The following CTNNBL1 variants were observed in gnomAD, a reference collection of about 807,000 sequenced individuals.
The protein encoded by CTNNBL1 is catenin beta like 1, also known as beta-catenin-like protein 1.
In CTNNBL1, 31 loss-of-function variants were observed where a neutral mutation model predicts 72.7. That is an observed-to-expected ratio of 0.43 (90% CI 0.32 to 0.58). The LOEUF (loss-of-function observed/expected upper bound fraction) is 0.58. Among genes scored for constraint, CTNNBL1 ranks in the 20% least tolerant of loss-of-function variants. The probability of loss-of-function intolerance (pLI) is 0.08; values close to 1 mark genes in which losing one functional copy is unlikely to be tolerated. For synonymous variants in CTNNBL1, 240 were observed against 267.3 expected, an observed-to-expected ratio of 0.90 and a Z score of 1.00; for missense variants, 534 against 725.1, an observed-to-expected ratio of 0.74 and a Z score of 3.03.
At chr20:37,717,436 T>C (rs1348015281) in intron 1 of CTNNBL1, among the ~76,000 whole-genome samples, 1 of 152,196 alleles carries the variant, frequency 6.6e-6, no homozygotes, top group Non-Finnish European at 1.5e-5. Context: ...TCATCCTAAA[T>C]AGCAAAGTAA....
intron 1 of CTNNBL1, among the ~76,000 whole-genome samples, chr20:37,728,990 A>G (rs1398955658): frequency 6.6e-6 from 1 of 152,242 alleles, no homozygotes; most frequent in African/African-American, 2.4e-5. Context: ...CTATTTATAC[A>G]CGACCCTGTT....
chr20:37,781,756 A>G (rs774874021), intron 10 of CTNNBL1, among the ~76,000 whole-genome samples: 19 of 152,158 alleles, frequency 1.2e-4, no homozygotes, highest in Admixed American at 2.0e-4. Context: ...CCTATTCAAG[A>G]CTATGAAGCT....
At chr20:37,757,118 T>G (rs78759292) in intron 4 of CTNNBL1, 1 of 153,254 alleles carries the variant, frequency 6.5e-6, no homozygotes, top group Non-Finnish European at 1.5e-5. Context: ...TGTCCTGATC[T>G]CTGAAGACTC....
intron 13 of CTNNBL1, among the ~76,000 whole-genome samples, chr20:37,845,919 A>G (rs2072343279): frequency 6.6e-6 from 1 of 152,232 alleles, no homozygotes; most frequent in Non-Finnish European, 1.5e-5. Flanking sequence ...TTATTGTCTC[A>G]GCCATCACCT....
chr20:37,814,675 G>A (rs1401345074), intron 11 of CTNNBL1, among the ~76,000 whole-genome samples: 1 of 152,028 alleles, frequency 6.6e-6, no homozygotes, highest in Admixed American at 6.6e-5. Context: ...CTGAGGACTG[G>A]GGCTCCAAGC....
chr20:37,834,879 A>G (rs1467598692), intron 11 of CTNNBL1, among the ~76,000 whole-genome samples: 1 of 152,230 alleles, frequency 6.6e-6, no homozygotes, highest in Non-Finnish European at 1.5e-5. Flanking sequence ...AGTAACAATG[A>G]TGACAGTTAT....
intron 1 of CTNNBL1, among the ~76,000 whole-genome samples, chr20:37,710,624 A>G (rs1568746038): frequency 6.6e-6 from 1 of 152,108 alleles, no homozygotes; most frequent in Non-Finnish European, 1.5e-5. Context: ...TTGTCCACTA[A>G]TCATGAGTCT....
chr20:37,868,159 A>G (rs1425375315), intron 15 of CTNNBL1, among the ~76,000 whole-genome samples: 1 of 152,170 alleles, frequency 6.6e-6, no homozygotes, highest in Admixed American at 6.5e-5. Flanking sequence ...GTACCATAAG[A>G]CATTCCTGTT....
intron 4 of CTNNBL1, among the ~76,000 whole-genome samples, chr20:37,747,213 A>G (rs183099858): frequency 4.6e-5 from 7 of 152,174 alleles, no homozygotes; most frequent in Middle Eastern, 3.4e-3. Flanking sequence ...CCCTATCTCT[A>G]AAAATATAAA....
chr20:37,841,473 A>ATT (rs2072303830), intron 12 of CTNNBL1, among the ~76,000 whole-genome samples: 1 of 152,204 alleles, frequency 6.6e-6, no homozygotes, highest in Non-Finnish European at 1.5e-5. Flanking sequence ...TGCAACATTA[A>ATT]GGTCTTAGGG....
chr20:37,869,417 C>T (rs1006720600), intron 15 of CTNNBL1, among the ~76,000 whole-genome samples: 1 of 152,226 alleles, frequency 6.6e-6, no homozygotes, highest in African/African-American at 2.4e-5. Context: ...AAGCCAGGCC[C>T]CAGTAAGGGA....
chr20:37,704,312 A>G (rs2072867855), intron 1 of CTNNBL1, among the ~76,000 whole-genome samples: 1 of 152,236 alleles, frequency 6.6e-6, no homozygotes, highest in African/African-American at 2.4e-5. Context: ...AAGCAGCTCT[A>G]CTGCTGGGAA....
chr20:37,839,955 A>G lies in CTNNBL1; in HGVS notation c.1214-147A>G, dbSNP rs568989694. 1.7e-5 allele frequency: 10 copies of G among 577,474 alleles called. No individual in the cohort carries two copies. In the South Asian group the frequency reaches 1.8e-4, roughly 11 times the overall value. 35.8% of individuals were successfully genotyped at this position (577,474 alleles called of 1,614,324 possible). On this transcript the variant is annotated intron_variant, in intron 11 of 15. Transcript: ENST00000361383. ...AAGATTGGTTCGGTTTTTTAGTGAC[A>G]CAATTTAGGTTCTTGTCTTATTAAT...
At chr20:37,734,095 C>A (rs1254691455) in intron 2 of CTNNBL1, among the ~76,000 whole-genome samples, 1 of 152,132 alleles carries the variant, frequency 6.6e-6, no homozygotes, top group Non-Finnish European at 1.5e-5. Flanking sequence ...GTCTTAAGAG[C>A]CAGCTGTTTT....
At chr20:37,840,313 G>A in intron 12 of CTNNBL1, 114 bp downstream of exon 12, 1 of 736,166 alleles carries the variant, frequency 1.4e-6, no homozygotes, top group Non-Finnish European at 2.3e-6. Flanking sequence ...TCTCTTTTCT[G>A]GCACCTGGGC....
intron 11 of CTNNBL1, among the ~76,000 whole-genome samples, chr20:37,824,888 G>A (rs1412465281): frequency 6.6e-6 from 1 of 152,198 alleles, no homozygotes; most frequent in African/African-American, 2.4e-5. Context: ...GGAGAAGGAA[G>A]GGCAGAAGGA....
chr20:37,803,141 G>A (rs2073837003), intron 11 of CTNNBL1, 93 bp downstream of exon 11: 4 of 1,130,866 alleles, frequency 3.5e-6, no homozygotes, highest in Non-Finnish European at 5.1e-6. Flanking sequence ...GTGTTTGGGG[G>A]ATAGAGGGGA....
At chr20:37,807,811 A>G (rs942665974) in intron 11 of CTNNBL1, among the ~76,000 whole-genome samples, 1 of 152,218 alleles carries the variant, frequency 6.6e-6, no homozygotes, top group Non-Finnish European at 1.5e-5. Context: ...GTGCACTAGC[A>G]TGATTGGCTG....
At chr20:37,715,455 T>C (rs2072977796) in intron 1 of CTNNBL1, among the ~76,000 whole-genome samples, 1 of 152,196 alleles carries the variant, frequency 6.6e-6, no homozygotes, top group Non-Finnish European at 1.5e-5. Context: ...GATAATCGTT[T>C]GGTGAGGAAG....
Sources: gnomAD v4.1 joint callset for allele counts (sites outside exome capture counted in the v4.1 genomes callset) on GRCh38, gnomAD v4.1.1 for gene constraint, MANE v1.5 for transcripts, NCBI Gene and HGNC (gene_info 2026-07-23, HGNC 2026-07-21) for gene names.